PAM: variants seen among roughly 807,000 people sequenced by gnomAD.
PAM encodes the protein peptidyl-glycine alpha-amidating monooxygenase.
PAM carries 72 observed loss-of-function variants against 122.1 expected under a neutral mutation model. The observed-to-expected ratio is 0.59, with a 90% CI of 0.49 to 0.72. The LOEUF is 0.72. PAM is among the 30% of genes least tolerant of loss of function. The pLI is 0.00. For missense variants in PAM, 1,106 were observed against 1,183.7 expected (o/e 0.93, Z 0.96); for synonymous variants, 389 against 404.4 (o/e 0.96, Z 0.46).
At chr5:102,983,321 G>T (rs1484057020) in intron 15 of PAM, among the ~76,000 whole-genome samples, 1 of 151,478 alleles carries the variant, frequency 6.6e-6, no homozygotes. Flanking sequence ...GGGGTGGCGT[G>T]TGCGTATAAT....
chr5:102,949,121 C>T (rs1442554061), intron 9 of PAM, among the ~76,000 whole-genome samples: 1 of 151,946 alleles, frequency 6.6e-6, no homozygotes, highest in Non-Finnish European at 1.5e-5. Context: ...AAGGAAGGAA[C>T]AGTATGAAAT....
chr5:102,766,926 A>ATTTTTTT, intron 1 of PAM, among the ~76,000 whole-genome samples: 287 of 25,848 alleles, frequency 0.011, 93 homozygotes, highest in African/African-American at 0.024. Context: ...TCAGTTGTGG[A>ATTTTTTT]TTTTTTTTTT....
At chr5:102,979,333 C>T (rs1768930798) in intron 15 of PAM, among the ~76,000 whole-genome samples, 1 of 152,142 alleles carries the variant, frequency 6.6e-6, no homozygotes, top group Non-Finnish European at 1.5e-5. Context: ...TTAAATGAAG[C>T]ATTATAATTA....
chr5:102,906,377 T>C (rs1449774591), intron 4 of PAM, among the ~76,000 whole-genome samples: 2 of 151,666 alleles, frequency 1.3e-5, no homozygotes, highest in Non-Finnish European at 3.0e-5. Context: ...GAAAACTTCA[T>C]GATAAAGGTA....
chr5:102,800,331 C>T (rs1764376115), intron 1 of PAM, among the ~76,000 whole-genome samples: 1 of 152,180 alleles, frequency 6.6e-6, no homozygotes, highest in African/African-American at 2.4e-5. Context: ...TATCCAGTCA[C>T]TCTGTGGTAT....
chr5:102,912,507 A>T (rs1333504378), intron 4 of PAM, among the ~76,000 whole-genome samples: 1 of 151,910 alleles, frequency 6.6e-6, no homozygotes, highest in Non-Finnish European at 1.5e-5. Context: ...AGGATTCTGG[A>T]AGGGAGGAAG....
At chr5:102,988,590 AAGGAAAGGAAAGGGAAAGGG>A (rs560788930) in intron 15 of PAM, among the ~76,000 whole-genome samples, 120 of 151,676 alleles carry the variant, frequency 7.9e-4, no homozygotes, top group African/African-American at 2.8e-3. Context: ...GAAAAAAAAG[AAGGAAAGGAAAGGGAAAGGG>A]AGGAAAGGAA....
rs556842578 is a variant in PAM at position 102,870,438 on chromosome 5, G to T, written c.210+3045G>T. On this transcript the variant is annotated intron_variant, in intron 3 of 25. Coordinates refer to ENST00000438793, the MANE Select transcript of PAM (RefSeq NM_001177306.2). ...ACAGATGGAATACAAGCCTAGATTA[G>T]TGTCTTATCAAGGATATCCAGTCAT... Among the ~76,000 whole-genome samples the T allele has an allele frequency of 2.2e-4, 33 of 152,216 alleles. No individual in the cohort carries two copies. The South Asian group carries it at 6.4e-3, about 30-fold the overall frequency.
intron 21 of PAM, among the ~76,000 whole-genome samples, chr5:103,011,403 C>G (rs1273518539): frequency 6.8e-6 from 1 of 147,958 alleles, no homozygotes; most frequent in Non-Finnish European, 1.5e-5. Context: ...CACACACACT[C>G]TCTCTCTCTG....
intron 1 of PAM, among the ~76,000 whole-genome samples, chr5:102,786,798 A>G (rs1204955146): frequency 2.0e-5 from 3 of 152,154 alleles, no homozygotes; most frequent in Non-Finnish European, 4.4e-5. Flanking sequence ...AATTTACTTG[A>G]AAAGAAACAA....
intron 13 of PAM, 31 bp downstream of exon 13, chr5:102,960,090 T>C: frequency 1.7e-6 from 2 of 1,178,102 alleles, no homozygotes; most frequent in Non-Finnish European, 2.4e-6. Flanking sequence ...TAAAGTAATA[T>C]ATGATTTTGT....
chr5:102,990,303 T>C lies in PAM; in HGVS notation c.1515T>C (p.Pro505=), dbSNP rs1485111584. 2.5e-6 allele frequency: 4 copies of C among 1,599,384 alleles called. No individual in the cohort carries two copies. The highest frequency in any genetic ancestry group is 2.2e-5 in the East Asian group (1 of 44,608). The change falls in exon 16 of 26, where the codon CCT becomes CCC. Residue 505 remains proline (P), a synonymous_variant. Transcript: ENST00000438793. ...ACATGGAAGAGGCACTGGATTGGCC[T>C]GGAGTATACTTGTTACCAGGCCAGG... ...DFHMEEALDW[P]GVYLLPGQVS... is the part of the protein sequence containing the mutation.
chr5:102,853,470 A>T (rs1020258228), intron 1 of PAM, among the ~76,000 whole-genome samples: 5 of 152,216 alleles, frequency 3.3e-5, no homozygotes, highest in African/African-American at 1.2e-4. Context: ...TGAAATATAT[A>T]TAGGTTCAGA....
At chr5:102,889,421 G>T (rs1794102169) in intron 3 of PAM, among the ~76,000 whole-genome samples, 2 of 151,728 alleles carry the variant, frequency 1.3e-5, no homozygotes, top group African/African-American at 4.8e-5. Context: ...CCTCTTCTTG[G>T]CTCTTAGGTT....
chr5:102,843,185 T>C (rs1159509320), intron 1 of PAM, among the ~76,000 whole-genome samples: 2 of 152,248 alleles, frequency 1.3e-5, no homozygotes, highest in African/African-American at 4.8e-5. Flanking sequence ...GATAAAACAC[T>C]TTAATGTTAC....
chr5:102,760,993 T>G (rs569273380), intron 1 of PAM, among the ~76,000 whole-genome samples: 1 of 152,340 alleles, frequency 6.6e-6, no homozygotes, highest in South Asian at 2.1e-4. Context: ...TGCTGAACAC[T>G]GTCTTGAGCT....
At chr5:102,817,485 A>G (rs751599776) in intron 1 of PAM, among the ~76,000 whole-genome samples, 1 of 152,162 alleles carries the variant, frequency 6.6e-6, no homozygotes, top group Non-Finnish European at 1.5e-5. Context: ...GTGAAATAAT[A>G]TTTTGGTTAT....
At chr5:102,979,989 A>G (rs1049533409) in intron 15 of PAM, among the ~76,000 whole-genome samples, 1 of 152,042 alleles carries the variant, frequency 6.6e-6, no homozygotes, top group Non-Finnish European at 1.5e-5. Context: ...CAACTTTTTA[A>G]TCATCTTTTA....
At chr5:102,807,517 G>A (rs1165805767) in intron 1 of PAM, among the ~76,000 whole-genome samples, 2 of 152,208 alleles carry the variant, frequency 1.3e-5, no homozygotes, top group Non-Finnish European at 2.9e-5. Context: ...TTCTGATTTT[G>A]TCTGGGTGTC....
Sources: gnomAD v4.1 joint callset for allele counts (sites outside exome capture counted in the v4.1 genomes callset) on GRCh38, gnomAD v4.1.1 for gene constraint, MANE v1.5 for transcripts, NCBI Gene and HGNC (gene_info 2026-07-23, HGNC 2026-07-21) for gene names.